Variants in OSBPL3 observed in about 807,000 individuals in gnomAD.
OSBPL3 encodes the protein oxysterol binding protein like 3.
OSBPL3 carries 65 observed loss-of-function variants against 120.1 expected under a neutral mutation model. The ratio of observed to expected loss-of-function variants is 0.54; its 90% CI spans 0.44 to 0.67. The LOEUF (loss-of-function observed/expected upper bound fraction) is 0.67, where lower values mean the gene tolerates loss of function less well. OSBPL3 is among the 30% of genes least tolerant of loss of function. The pLI, the probability that OSBPL3 is intolerant of heterozygous loss-of-function variation, is 0.00. For synonymous variants in OSBPL3, 416 were observed against 402.6 expected (o/e 1.03, Z -0.40); for missense variants, 1,004 against 1,082.1 (o/e 0.93, Z 1.01).
At position 24,834,498 on chromosome 7, in the gene OSBPL3, G is replaced by A; in HGVS notation, c.1734C>T (p.Pro578=). 2 of 1,610,678 alleles carry A rather than the reference G, an allele frequency of 1.2e-6. No homozygotes were observed. The highest frequency in any genetic ancestry group is 1.7e-6 in the Non-Finnish European group (2 of 1,177,878). Residue 578 remains proline (P), a synonymous_variant, in exon 15 of 23, where the codon CCC becomes CCT. Coordinates refer to ENST00000313367, the MANE Select transcript of OSBPL3 (RefSeq NM_015550.4). The surrounding 1 kb of genome is among the most constrained non-coding windows in gnomAD (Gnocchi z 5.2). ...LLDKAAQIPS[P]LERMVYVAAF... ...GCTGACTCCTCACCATCCTTTCCAG[G>A]GGGCTGGGAATCTGCGCGGCCTTGT...
chr7:24,842,162 G>C, intron 13 of OSBPL3, 117 bp downstream of exon 13: 1 of 1,027,712 alleles, frequency 9.7e-7, no homozygotes, highest in South Asian at 1.4e-5. Flanking sequence ...AGAACATAAT[G>C]ACTACAAAGG....
Position 24,862,568 on chromosome 7 carries a change from G to C in OSBPL3, c.870+632C>G, listed in dbSNP as rs919520476. The stretch of plus-strand genomic sequence containing the variant: ...TTTGAACCAAAGAGTGTACACAAGT[G>C]TATCAGGTGACCTAACCAAAAGCTT... On this transcript the variant is annotated intron_variant, in intron 9 of 22. Coordinates refer to ENST00000313367, the MANE Select transcript of OSBPL3 (RefSeq NM_015550.4). This position sits in a 1 kb window ranked among gnomAD's most constrained non-coding sequence, Gnocchi z 4.4. 6.6e-6 allele frequency among the ~76,000 whole-genome samples: 1 copy of C among 152,212 alleles called. No homozygotes were observed. The highest frequency in any genetic ancestry group is 1.5e-5 in the Non-Finnish European group (1 of 68,042).
In OSBPL3 at chr7:24,831,005, G is replaced by A. The variant is rs1796301351; in HGVS notation, c.1747-100C>T. The A allele has an allele frequency of 8.5e-7, 1 of 1,178,184 alleles. No individual in the cohort carries two copies. Among genetic ancestry groups the A allele is most frequent in the Admixed American group, 3.1e-5 (1 of 32,736 alleles). 73.0% of individuals were successfully genotyped at this position (1,178,184 alleles called of 1,614,324 possible). A position where few individuals can be genotyped will look rare whatever the true frequency, so the allele number is the denominator to read the frequency against. On this transcript the variant is annotated intron_variant, in intron 15 of 22. Coordinates refer to ENST00000313367, the MANE Select transcript of OSBPL3 (RefSeq NM_015550.4). The surrounding 1 kb of genome is among the most constrained non-coding windows in gnomAD (Gnocchi z 4.0). ...ATAAAACCTCTATGATTTTCTTTCA[G>A]AAAGCCAAAGATTTGTCTTTGGTTG...
chr7:24,855,174 A>G lies in OSBPL3; in HGVS notation c.1028-2540T>C, dbSNP rs1404607885. Among the ~76,000 whole-genome samples the G allele has an allele frequency of 2.0e-5, 3 of 152,148 alleles. No individual in the cohort carries two copies. The highest frequency in any genetic ancestry group is 2.9e-5 in the Non-Finnish European group (2 of 68,020). On this transcript the variant is annotated intron_variant, in intron 10 of 22. Coordinates refer to ENST00000313367, the MANE Select transcript of OSBPL3 (RefSeq NM_015550.4). This position sits in a 1 kb window ranked among gnomAD's most constrained non-coding sequence, Gnocchi z 4.3. ...GCATCCTATGTCCTATTAGATAGGC[A>G]CTATGCCCCTCCCCTGCCTGCCACA...
chr7:24,850,462 T>C (rs1045482618), intron 11 of OSBPL3, among the ~76,000 whole-genome samples: 1 of 152,188 alleles, frequency 6.6e-6, no homozygotes, highest in African/African-American at 2.4e-5. Context: ...TCTGAGCCTT[T>C]TGCATCCACC....
intron 22 of OSBPL3, among the ~76,000 whole-genome samples, chr7:24,801,031 A>G (rs1792270100): frequency 6.6e-6 from 1 of 151,088 alleles, no homozygotes; most frequent in Non-Finnish European, 1.5e-5. Flanking sequence ...TCACGAGGTC[A>G]GGAGTTCAAG....
Position 24,802,536 on chromosome 7 carries a change from T to C in OSBPL3, c.2567+1779A>G, listed in dbSNP as rs1358076523. ...TTCCTTCCTGATTGCAATGACAGCA[T>C]AATCACATTCTGTATCTTGCATTTA... On this transcript the variant is annotated intron_variant, in intron 22 of 22. Coordinates refer to ENST00000313367, the MANE Select transcript of OSBPL3 (RefSeq NM_015550.4). This position sits in a 1 kb window ranked among gnomAD's most constrained non-coding sequence, Gnocchi z 4.1. Among the ~76,000 whole-genome samples the C allele has an allele frequency of 6.6e-6, 1 of 152,244 alleles. No homozygotes were observed. The highest frequency in any genetic ancestry group is 2.4e-5 in the African/African-American group (1 of 41,464).
At position 24,939,129 on chromosome 7, in the gene OSBPL3, T is replaced by C. The variant is rs1288229120; in HGVS notation, c.-150+40757A>G. 6.6e-6 allele frequency among the ~76,000 whole-genome samples: 1 copy of C among 152,066 alleles called. No individual in the cohort carries two copies. The highest frequency in any genetic ancestry group is 1.5e-5 in the Non-Finnish European group (1 of 68,002). The stretch of plus-strand genomic sequence containing the variant: ...GAGGTAAGTATCCCAGGAAATGCAG[T>C]ATTTAAGAGAAAGAAAGAGAAAAGA... On this transcript the variant is annotated intron_variant, in intron 1 of 22. Coordinates refer to ENST00000313367, the MANE Select transcript of OSBPL3 (RefSeq NM_015550.4). This position sits in a 1 kb window ranked among gnomAD's most constrained non-coding sequence, Gnocchi z 4.2.
chr7:24,821,817 C>T lies in OSBPL3; in HGVS notation c.1885-1579G>A, dbSNP rs1388473360. On this transcript the variant is annotated intron_variant, in intron 16 of 22. Coordinates refer to ENST00000313367, the MANE Select transcript of OSBPL3 (RefSeq NM_015550.4). This position sits in a 1 kb window ranked among gnomAD's most constrained non-coding sequence, Gnocchi z 5.5. ...GGATTTTCAAGGGCAACTTTCACTT[C>T]AAGCACTGACTTAGAAACCTAATCC... 1.3e-5 allele frequency among the ~76,000 whole-genome samples: 2 copies of T among 152,238 alleles called. No individual in the cohort carries two copies. Among genetic ancestry groups the T allele is most frequent in the African/African-American group, 4.8e-5 (2 of 41,468 alleles).
In OSBPL3 at chr7:24,966,320, G is replaced by C. The variant is rs907422909; in HGVS notation, c.-150+13566C>G. ...GTCAGACAAAGGTGTCTTATCTGTG[G>C]GTCAGAAAAGGCAGTCATCTAATAT... On this transcript the variant is annotated intron_variant, in intron 1 of 22. Transcript: ENST00000313367. This position sits in a 1 kb window ranked among gnomAD's most constrained non-coding sequence, Gnocchi z 4.8. 2.6e-5 allele frequency among the ~76,000 whole-genome samples: 4 copies of C among 152,000 alleles called. No individual in the cohort carries two copies. The highest frequency in any genetic ancestry group is 5.9e-5 in the Non-Finnish European group (4 of 68,028).
chr7:24,830,145 T>C lies in OSBPL3; in HGVS notation c.1884+623A>G, dbSNP rs777397003. On this transcript the variant is annotated intron_variant, in intron 16 of 22. Coordinates refer to ENST00000313367, the MANE Select transcript of OSBPL3 (RefSeq NM_015550.4). The surrounding 1 kb of genome is among the most constrained non-coding windows in gnomAD (Gnocchi z 4.4). Reference sequence around the variant, plus strand: ...AGCCTGAGTATTACTCTATGCTACTTCTATGGCAAGAGTGTGATGGAACCT... The same window carrying C: ...AGCCTGAGTATTACTCTATGCTACTCCTATGGCAAGAGTGTGATGGAACCT... Among the ~76,000 whole-genome samples the C allele has an allele frequency of 2.6e-5, 4 of 152,132 alleles. No homozygotes were observed. The highest frequency in any genetic ancestry group is 5.9e-5 in the Non-Finnish European group (4 of 68,034).
At position 24,815,001 on chromosome 7, in the gene OSBPL3, G is replaced by A. The variant is rs1166062938; in HGVS notation, c.2172+58C>T. On this transcript the variant is annotated intron_variant, in intron 19 of 22. Coordinates refer to ENST00000313367, the MANE Select transcript of OSBPL3 (RefSeq NM_015550.4). This position sits in a 1 kb window ranked among gnomAD's most constrained non-coding sequence, Gnocchi z 5.1. ...ATCTCTCAAATGCCCTGTGCTCTGG[G>A]GCCCTGGCTCTGCCACAGCCCTTCC... The A allele has an allele frequency of 6.4e-7, 1 of 1,554,962 alleles. No individual in the cohort carries two copies. Among genetic ancestry groups the A allele is most frequent in the Non-Finnish European group, 8.9e-7 (1 of 1,129,602 alleles).
At chr7:24,876,968 G>C (rs1015530282) in intron 2 of OSBPL3, among the ~76,000 whole-genome samples, 3 of 152,128 alleles carry the variant, frequency 2.0e-5, no homozygotes, top group Non-Finnish European at 2.9e-5. Context: ...ACATGATCAT[G>C]TTTAATTCCT....
At chr7:24,934,998 G>T (rs908575452) in intron 1 of OSBPL3, among the ~76,000 whole-genome samples, 1 of 151,914 alleles carries the variant, frequency 6.6e-6, no homozygotes, top group Non-Finnish European at 1.5e-5. Context: ...TTTCCTTTAA[G>T]CCCCCTTTCA....
rs760338429 is a variant in OSBPL3 at position 24,798,610 on chromosome 7, C to G, written c.*1573G>C. Reference sequence around the variant, plus strand: ...GTGCAGATTCCAGAAGGCTACACATCCACTTTAAATAACTCTCCATTTTGA... The same window carrying G: ...GTGCAGATTCCAGAAGGCTACACATGCACTTTAAATAACTCTCCATTTTGA... On this transcript the variant is annotated 3_prime_UTR_variant, in exon 23 of 23. Transcript: ENST00000313367. The surrounding 1 kb of genome is among the most constrained non-coding windows in gnomAD (Gnocchi z 4.6). The G allele has an allele frequency of 6.6e-6, 1 of 152,210 alleles. No homozygotes were observed. Among genetic ancestry groups the G allele is most frequent in the Non-Finnish European group, 1.5e-5 (1 of 68,036 alleles). 9.4% of individuals were successfully genotyped at this position (152,210 alleles called of 1,614,324 possible).
intron 1 of OSBPL3, among the ~76,000 whole-genome samples, chr7:24,934,756 G>C (rs6461831): frequency 0.021 from 3,272 of 152,268 alleles, 55 homozygotes; most frequent in Middle Eastern, 0.054. Context: ...ACACAGGTTT[G>C]AATTAGGCCA....
rs1033275866 is a variant in OSBPL3, at chr7:24,955,888, C to T, written c.-150+23998G>A. Among the ~76,000 whole-genome samples, 3 of 152,246 alleles carry T rather than the reference C, an allele frequency of 2.0e-5. No individual in the cohort carries two copies. Among genetic ancestry groups the T allele is most frequent in the African/African-American group, 7.2e-5 (3 of 41,458 alleles). ...TTGAGCTTCTTCAGCACAGCCACTG[C>T]TGTGCAGTTTAGTCACTGATCTTTC... On this transcript the variant is annotated intron_variant, in intron 1 of 22. Transcript: ENST00000313367. This position sits in a 1 kb window ranked among gnomAD's most constrained non-coding sequence, Gnocchi z 4.3.
At chr7:24,887,345 T>A (rs930131589) in intron 2 of OSBPL3, among the ~76,000 whole-genome samples, 1 of 152,220 alleles carries the variant, frequency 6.6e-6, no homozygotes, top group South Asian at 2.1e-4. Flanking sequence ...ATCTGAAAAG[T>A]GATCTACTTC....
chr7:24,824,571 G>C lies in OSBPL3; in HGVS notation c.1885-4333C>G, dbSNP rs1439157091. Among the ~76,000 whole-genome samples, 1 of 152,188 alleles carries C rather than the reference G, an allele frequency of 6.6e-6. No homozygotes were observed. The highest frequency in any genetic ancestry group is 6.5e-5 in the Admixed American group (1 of 15,280). On this transcript the variant is annotated intron_variant, in intron 16 of 22. Transcript: ENST00000313367. This position sits in a 1 kb window ranked among gnomAD's most constrained non-coding sequence, Gnocchi z 4.9. ...GCCAGGTGAAGAAGTCATCCAGAGA[G>C]GGGACCAAGTGGCCATTCTTTCCAG...
Sources: allele counts gnomAD v4.1 joint callset (sites outside exome capture counted in the v4.1 genomes callset), GRCh38; gene constraint gnomAD v4.1.1; non-coding constraint Gnocchi (gnomAD v3.1); transcripts MANE v1.5; gene names NCBI Gene and HGNC (gene_info 2026-07-23, HGNC 2026-07-21).